RAB11FIP3: variants seen among roughly 807,000 people sequenced by gnomAD.
RAB11FIP3 encodes the protein RAB11 family interacting protein 3, also known as rab11 family-interacting protein 3.
Under a neutral mutation model 77.8 loss-of-function variants are expected in RAB11FIP3, and 17 were observed. That is an observed-to-expected ratio of 0.22 (90% CI 0.15 to 0.33). The LOEUF (loss-of-function observed/expected upper bound fraction) is 0.33, where lower values mean the gene tolerates loss of function less well. Ranked by LOEUF, RAB11FIP3 falls within the 10% of genes least tolerant of loss-of-function variation. RAB11FIP3 has a pLI of 1.00. For synonymous variants in RAB11FIP3, 437 were observed against 448.2 expected (o/e 0.98, Z 0.31); for missense variants, 1,005 against 1,011.2 (o/e 0.99, Z 0.08).
At chr16:450,709 C>T (rs954430705) in intron 1 of RAB11FIP3, among the ~76,000 whole-genome samples, 1 of 152,128 alleles carries the variant, frequency 6.6e-6, no homozygotes, top group Non-Finnish European at 1.5e-5. Context: ...GGCATGCTGA[C>T]CTTGAAAGCA....
At chr16:464,100 G>C (rs538578496) in intron 2 of RAB11FIP3, among the ~76,000 whole-genome samples, 3 of 152,136 alleles carry the variant, frequency 2.0e-5, no homozygotes, top group African/African-American at 7.2e-5. Flanking sequence ...GCTGAGAGGA[G>C]CGTGCAGGCA....
chr16:477,667 C>T (rs962217206), intron 3 of RAB11FIP3: 5 of 985,308 alleles, frequency 5.1e-6, no homozygotes, highest in Non-Finnish European at 6.0e-6. Context: ...GTGAGTAGCA[C>T]GAGAGCTGGG....
In RAB11FIP3 at chr16:506,650, T is replaced by C. The variant is rs1407828532; in HGVS notation, c.1499+1023T>C. 2.0e-5 allele frequency among the ~76,000 whole-genome samples: 3 copies of C among 152,234 alleles called. No individual in the cohort carries two copies. The highest frequency in any genetic ancestry group is 7.2e-5 in the African/African-American group (3 of 41,458). The stretch of plus-strand genomic sequence containing the variant: ...CCCTCACCCTCACGGTACTAACATT[T>C]GTGACCATCTGCCCTGTGAGCGCTG... On this transcript the variant is annotated intron_variant, in intron 8 of 13. Transcript: ENST00000262305. The surrounding 1 kb of genome is among the most constrained non-coding windows in gnomAD (Gnocchi z 4.5).
chr16:504,041 C>T (rs1329835893), intron 7 of RAB11FIP3, among the ~76,000 whole-genome samples: 1 of 63,512 alleles, frequency 1.6e-5, no homozygotes, highest in Non-Finnish European at 3.0e-5. Context: ...CTCACTACCT[C>T]CTGTACCCCC....
chr16:444,156 C>A (rs182076371), intron 1 of RAB11FIP3, among the ~76,000 whole-genome samples: 1 of 152,142 alleles, frequency 6.6e-6, no homozygotes, highest in East Asian at 1.9e-4. Context: ...CCCTGGACAG[C>A]GCCCTGAGTT....
chr16:485,899 T>C (rs1192438050), intron 4 of RAB11FIP3, among the ~76,000 whole-genome samples: 1 of 152,112 alleles, frequency 6.6e-6, no homozygotes, highest in East Asian at 1.9e-4. Flanking sequence ...ACATAATTTT[T>C]TTATTTTGTT....
chr16:519,059 G>A (rs759169428), intron 10 of RAB11FIP3, 35 bp downstream of exon 10: 5 of 1,602,776 alleles, frequency 3.1e-6, no homozygotes, highest in East Asian at 2.2e-5. Context: ...GTGGCCAGTG[G>A]GGCCAGCCCA....
At chr16:480,208 C>T (rs1352552773) in intron 3 of RAB11FIP3, among the ~76,000 whole-genome samples, 1 of 138,906 alleles carries the variant, frequency 7.2e-6, no homozygotes, top group Non-Finnish European at 1.5e-5. Context: ...TCTTTTGAAC[C>T]CGGGAGGTGT....
intron 5 of RAB11FIP3, among the ~76,000 whole-genome samples, chr16:489,874 G>T (rs1172982028): frequency 6.6e-6 from 1 of 152,222 alleles, no homozygotes; most frequent in Admixed American, 6.5e-5. Flanking sequence ...TGGGGACCCT[G>T]CACGGATATC....
intron 5 of RAB11FIP3, among the ~76,000 whole-genome samples, chr16:489,657 C>T (rs145358911): frequency 6.6e-6 from 1 of 152,204 alleles, no homozygotes; most frequent in African/African-American, 2.4e-5. Context: ...ACTAGGTTGT[C>T]GTCCATCTTT....
intron 2 of RAB11FIP3, among the ~76,000 whole-genome samples, chr16:470,172 A>G (rs2055784343): frequency 6.6e-6 from 1 of 151,294 alleles, no homozygotes; most frequent in Non-Finnish European, 1.5e-5. Context: ...AATTTTTACT[A>G]TTTTTAGTAG....
chr16:436,790 G>C (rs1389806772), intron 1 of RAB11FIP3, among the ~76,000 whole-genome samples: 1 of 152,122 alleles, frequency 6.6e-6, no homozygotes, highest in Admixed American at 6.6e-5. Context: ...TTTTCGTAGA[G>C]ACGAGTTCTC....
intron 9 of RAB11FIP3, among the ~76,000 whole-genome samples, chr16:515,612 G>A (rs982859642): frequency 6.6e-6 from 1 of 151,560 alleles, no homozygotes. Flanking sequence ...CGGCTGACAC[G>A]GACCGGGGTT....
rs369506441 is a variant in RAB11FIP3, at chr16:520,527, C to G, written c.2085C>G (p.Gly695=). ...NGQIITLSIQ[G]AKSLFSTAFS... Reference sequence around the variant, plus strand: ...AGATCATTACCCTCAGCATCCAGGGCGCCAAGAGCCTCTTCTCCACAGCCT... The same window carrying G: ...AGATCATTACCCTCAGCATCCAGGGGGCCAAGAGCCTCTTCTCCACAGCCT... Residue 695 remains glycine (G), a synonymous_variant, in exon 13 of 14, where the codon GGC becomes GGG. Transcript: ENST00000262305. The G allele has an allele frequency of 6.2e-7, 1 of 1,613,746 alleles. No individual in the cohort carries two copies.
At chr16:440,222 A>T (rs1416206145) in intron 1 of RAB11FIP3, among the ~76,000 whole-genome samples, 1 of 152,110 alleles carries the variant, frequency 6.6e-6, no homozygotes. Context: ...ATAGTTGCAT[A>T]AAATGGAAAT....
chr16:505,939 G>T lies in RAB11FIP3; in HGVS notation c.1499+312G>T, dbSNP rs189466407. On this transcript the variant is annotated intron_variant, in intron 8 of 13. Transcript: ENST00000262305. The surrounding 1 kb of genome is among the most constrained non-coding windows in gnomAD (Gnocchi z 4.0). ...GAGGAGGAACTGACTGCGAACCCAC[G>T]CAGTGCTCAGCCTCACCAGCAGGCC... Among the ~76,000 whole-genome samples, 85 of 152,332 alleles carry T rather than the reference G, an allele frequency of 5.6e-4. No homozygotes were observed. Among genetic ancestry groups the T allele is most frequent in the African/African-American group, 2.0e-3 (84 of 41,578 alleles).
chr16:519,905 C>G lies in RAB11FIP3; in HGVS notation c.1860+14C>G. The G allele has an allele frequency of 6.4e-7, 1 of 1,569,320 alleles. No individual in the cohort carries two copies. Among genetic ancestry groups the G allele is most frequent in the Non-Finnish European group, 8.6e-7 (1 of 1,157,644 alleles). ...GCCACCCAGGAGGTGAGCACCCACC[C>G]TGCCCCACGCCCAGTCCTGCGCCCA... is the stretch of plus-strand genomic sequence containing the variant. On this transcript the variant is annotated intron_variant, in intron 11 of 13. Transcript: ENST00000262305.
chr16:507,256 G>A lies in RAB11FIP3; in HGVS notation c.1499+1629G>A, dbSNP rs1239675466. Among the ~76,000 whole-genome samples, 4 of 152,106 alleles carry A rather than the reference G, an allele frequency of 2.6e-5. No individual in the cohort carries two copies. The highest frequency in any genetic ancestry group is 3.8e-4 in the East Asian group (2 of 5,206). On this transcript the variant is annotated intron_variant, in intron 8 of 13. Coordinates refer to ENST00000262305, the MANE Select transcript of RAB11FIP3 (RefSeq NM_014700.4). This position sits in a 1 kb window ranked among gnomAD's most constrained non-coding sequence, Gnocchi z 4.6. ...CCTCCTGAGTAGCTGGGACTTGCAG[G>A]CATGCACCACCACGCTGGGCTAATT...
intron 5 of RAB11FIP3, among the ~76,000 whole-genome samples, chr16:492,516 CTCCCGGGAGACCCGAGGCCG>C (rs2030638885): frequency 3.1e-5 from 1 of 32,700 alleles, no homozygotes; most frequent in Non-Finnish European, 6.4e-5. Context: ...GCCCAGGGCC[CTCCCGGGAGACCCGAGGCCG>C]TCCAGAATCT....
Sources: allele counts gnomAD v4.1 joint callset (sites outside exome capture counted in the v4.1 genomes callset), GRCh38; gene constraint gnomAD v4.1.1; non-coding constraint Gnocchi (gnomAD v3.1); transcripts MANE v1.5; gene names NCBI Gene and HGNC (gene_info 2026-07-23, HGNC 2026-07-21).